The following MSANTD3 variants were observed in gnomAD, a reference collection of about 807,000 sequenced individuals.
MSANTD3 encodes the protein Myb/SANT DNA binding domain containing 3.
In MSANTD3, 11 loss-of-function variants were observed where a neutral mutation model predicts 27.7. The ratio of observed to expected loss-of-function variants is 0.40; its 90% CI spans 0.25 to 0.66. The LOEUF (loss-of-function observed/expected upper bound fraction) is 0.66. Among genes scored for constraint, MSANTD3 ranks in the 30% least tolerant of loss-of-function variants. MSANTD3 has a pLI of 0.41. For synonymous variants in MSANTD3, 131 were observed against 127.2 expected (o/e 1.03, Z -0.20); for missense variants, 250 against 336.5 (o/e 0.74, Z 2.01).
chr9:100,434,744 G>A (rs1417682567), intron 1 of MSANTD3, among the ~76,000 whole-genome samples: 4 of 152,050 alleles, frequency 2.6e-5, no homozygotes, highest in African/African-American at 7.2e-5. Context: ...TCATGCTCAA[G>A]GTGCTTTGTC....
In MSANTD3 at chr9:100,450,665, G is replaced by A. The variant is rs751989454; in HGVS notation, c.527G>A (p.Arg176Lys). Residue 176 changes from arginine to lysine, a missense_variant, in exon 3 of 3, where the codon AGA becomes AAA. By Grantham distance (26) the Arg-to-Lys change is conservative. Coordinates refer to ENST00000395067, the MANE Select transcript of MSANTD3 (RefSeq NM_080655.3). ...SQPEPSCSAV[R>K]ITANKNYRSK... Reference sequence around the variant, plus strand: ...CCTGAACCCTCGTGTTCAGCTGTCAGAATAACAGCCAATAAAAACTACAGG... The same window carrying A: ...CCTGAACCCTCGTGTTCAGCTGTCAAAATAACAGCCAATAAAAACTACAGG... The A allele has an allele frequency of 6.2e-7, 1 of 1,614,140 alleles. No individual in the cohort carries two copies. The highest frequency in any genetic ancestry group is 1.1e-5 in the South Asian group (1 of 91,084).
intron 2 of MSANTD3, among the ~76,000 whole-genome samples, chr9:100,443,010 T>G (rs1417248066): frequency 6.6e-6 from 1 of 152,106 alleles, no homozygotes; most frequent in Non-Finnish European, 1.5e-5. Flanking sequence ...TGAAGATTTG[T>G]ATTCATCCAC....
chr9:100,427,297 C>A lies in MSANTD3; in HGVS notation c.-130C>A. The A allele has an allele frequency of 6.9e-6, 1 of 145,880 alleles. No individual in the cohort carries two copies. Among genetic ancestry groups the A allele is most frequent in the South Asian group, 2.1e-4 (1 of 4,856 alleles). The allele number at this position is 145,880 out of a possible 1,614,324, so 9.0% of individuals were successfully genotyped here. A position where few individuals can be genotyped will look rare whatever the true frequency, so the allele number is the denominator to read the frequency against. Reference sequence around the variant, plus strand: ...CCGGCGTTCGGGAGCCCGCGGCCCTCCCGGCCGCCCTGCTTGCGAGAGGAG... The same window carrying A: ...CCGGCGTTCGGGAGCCCGCGGCCCTACCGGCCGCCCTGCTTGCGAGAGGAG... On this transcript the variant is annotated 5_prime_UTR_variant, in exon 1 of 3. Coordinates refer to ENST00000395067, the MANE Select transcript of MSANTD3 (RefSeq NM_080655.3).
chr9:100,449,006 C>T (rs1836821579), intron 2 of MSANTD3: 1 of 985,178 alleles, frequency 1.0e-6, no homozygotes, highest in Non-Finnish European at 1.2e-6. Flanking sequence ...TCCCCCAGTA[C>T]CCATGAACAT....
At chr9:100,446,278 G>T (rs1836749380) in intron 2 of MSANTD3, among the ~76,000 whole-genome samples, 1 of 152,142 alleles carries the variant, frequency 6.6e-6, no homozygotes, top group African/African-American at 2.4e-5. Flanking sequence ...TCTGGTACCA[G>T]AGGGCTGAGT....
chr9:100,440,920 C>T (rs1205541931), intron 1 of MSANTD3, among the ~76,000 whole-genome samples: 20 of 146,730 alleles, frequency 1.4e-4, no homozygotes, highest in Non-Finnish European at 2.5e-4. Flanking sequence ...CCACTGTGCC[C>T]GGCTGTACAT....
chr9:100,441,436 C>T lies in MSANTD3; in HGVS notation c.-33-470C>T, dbSNP rs554653479. ...ATCACTTGAGGTCAGTAGTTCGAGA[C>T]CAGCCTGCCCAACATGGTGAAACCC... On this transcript the variant is annotated intron_variant, in intron 1 of 2. Transcript: ENST00000395067. 8.6e-5 allele frequency among the ~76,000 whole-genome samples: 13 copies of T among 151,720 alleles called. No homozygotes were observed. The South Asian group carries it at 2.7e-3, about 32-fold the overall frequency.
Position 100,427,217 on chromosome 9 carries a change from G to A in MSANTD3, c.-210G>A, listed in dbSNP as rs1219250866. ...GGCGGCGTCCGGGCTTTGTGGCCGC[G>A]GCGCGCGCGGCGGGGCCTGGCCGGC... is the stretch of plus-strand genomic sequence containing the variant. On this transcript the variant is annotated 5_prime_UTR_variant, in exon 1 of 3. Coordinates refer to ENST00000395067, the MANE Select transcript of MSANTD3 (RefSeq NM_080655.3). 1 of 145,708 alleles carries A rather than the reference G, an allele frequency of 6.9e-6. No homozygotes were observed. The highest frequency in any genetic ancestry group is 2.5e-5 in the African/African-American group (1 of 40,720). 9.0% of individuals were successfully genotyped at this position (145,708 alleles called of 1,614,324 possible). A position where few individuals can be genotyped will look rare whatever the true frequency, so the allele number is the denominator to read the frequency against.
intron 1 of MSANTD3, among the ~76,000 whole-genome samples, chr9:100,430,056 T>A (rs1836334662): frequency 6.6e-6 from 1 of 151,088 alleles, no homozygotes; most frequent in Admixed American, 6.6e-5. Flanking sequence ...TCTTTTACCT[T>A]TGTCTTATCT....
chr9:100,441,523 C>T (rs1325997462), intron 1 of MSANTD3, among the ~76,000 whole-genome samples: 2 of 151,972 alleles, frequency 1.3e-5, no homozygotes, highest in African/African-American at 4.8e-5. Context: ...CCTGTAATCC[C>T]AGCTACTCAG....
chr9:100,444,889 T>G lies in MSANTD3; in HGVS notation c.418+2533T>G, dbSNP rs1836717203. 3.2e-5 allele frequency: 9 copies of G among 278,910 alleles called. No individual in the cohort carries two copies. In the South Asian group the frequency reaches 1.2e-3, roughly 36 times the overall value. 17.3% of individuals were successfully genotyped at this position (278,910 alleles called of 1,614,324 possible). Reference sequence around the variant, plus strand: ...TCTCAGTGTTTTTCTTATAGTAACATTTAATAGTGACTCAAGTATAAACGG... The same window carrying G: ...TCTCAGTGTTTTTCTTATAGTAACAGTTAATAGTGACTCAAGTATAAACGG... On this transcript the variant is annotated intron_variant, in intron 2 of 2. Coordinates refer to ENST00000395067, the MANE Select transcript of MSANTD3 (RefSeq NM_080655.3).
chr9:100,429,840 T>C (rs868463579), intron 1 of MSANTD3, among the ~76,000 whole-genome samples: 36 of 151,884 alleles, frequency 2.4e-4, no homozygotes, highest in Middle Eastern at 6.3e-3. Context: ...GTAGCTGAGA[T>C]TACAGGCACC....
chr9:100,439,191 C>T (rs1836545487), intron 1 of MSANTD3, among the ~76,000 whole-genome samples: 1 of 152,180 alleles, frequency 6.6e-6, no homozygotes, highest in South Asian at 2.1e-4. Flanking sequence ...AGACCACACT[C>T]CTTGGCGTCA....
intron 2 of MSANTD3, among the ~76,000 whole-genome samples, chr9:100,442,825 AAAAAGT>A (rs1316250936): frequency 1.3e-4 from 19 of 151,410 alleles, no homozygotes; most frequent in Non-Finnish European, 2.5e-4. Flanking sequence ...AAAAAAAAAA[AAAAAGT>A]AATATATAAA....
intron 2 of MSANTD3, chr9:100,444,808 C>A (rs576470310): frequency 6.0e-6 from 1 of 165,966 alleles, no homozygotes; most frequent in Admixed American, 6.2e-5. Context: ...TGATGTAATT[C>A]ATTTACTCAT....
intron 1 of MSANTD3, among the ~76,000 whole-genome samples, chr9:100,437,767 TTTC>T (rs1464227097): frequency 1.7e-4 from 26 of 152,348 alleles, no homozygotes; most frequent in African/African-American, 5.1e-4. Context: ...AGTCGTATAA[TTTC>T]TTCTGGTACT....
chr9:100,449,079 A>C (rs1836823435), intron 2 of MSANTD3: 5 of 985,408 alleles, frequency 5.1e-6, no homozygotes, highest in Non-Finnish European at 6.0e-6. Flanking sequence ...CTATGTTAAT[A>C]AATTGGCATT....
intron 1 of MSANTD3, among the ~76,000 whole-genome samples, chr9:100,437,026 A>G (rs1178207556): frequency 6.6e-6 from 1 of 152,138 alleles, no homozygotes; most frequent in African/African-American, 2.4e-5. Context: ...GCTGGTCTTG[A>G]ACTCCTGACC....
intron 1 of MSANTD3, 133 bp downstream of exon 1, chr9:100,427,526 G>A (rs2118157171): frequency 6.6e-6 from 1 of 151,644 alleles, no homozygotes; most frequent in Non-Finnish European, 1.5e-5. Context: ...CGGCCTTGCA[G>A]GCTGGGCGCC....
Sources: allele counts gnomAD v4.1 joint callset (sites outside exome capture counted in the v4.1 genomes callset), GRCh38; gene constraint gnomAD v4.1.1; transcripts MANE v1.5; gene names NCBI Gene and HGNC (gene_info 2026-07-23, HGNC 2026-07-21).